The following GRID1 variants were observed in gnomAD, a reference collection of about 807,000 sequenced individuals.
The protein encoded by GRID1 is glutamate ionotropic receptor delta type subunit 1.
GRID1 carries 28 observed loss-of-function variants against 98.0 expected under a neutral mutation model. The ratio of observed to expected loss-of-function variants is 0.29; its 90% CI spans 0.21 to 0.39. The LOEUF (loss-of-function observed/expected upper bound fraction) is 0.39. Among genes scored for constraint, GRID1 ranks in the 10% least tolerant of loss-of-function variants. The probability of loss-of-function intolerance (pLI) is 1.00; values close to 1 mark genes in which losing one functional copy is unlikely to be tolerated. For synonymous variants in GRID1, 553 were observed against 538.5 expected (o/e 1.03, Z -0.37); for missense variants, 1,111 against 1,340.5 (o/e 0.83, Z 2.67).
intron 5 of GRID1, among the ~76,000 whole-genome samples, chr10:85,875,016 C>T (rs1215223312): frequency 1.3e-5 from 2 of 152,074 alleles, no homozygotes; most frequent in Non-Finnish European, 2.9e-5. Context: ...CAGTCGCATG[C>T]CACTACGCCT....
chr10:86,031,185 A>G (rs966910841), intron 4 of GRID1, among the ~76,000 whole-genome samples: 2 of 152,208 alleles, frequency 1.3e-5, no homozygotes, highest in African/African-American at 4.8e-5. Context: ...TCCAAAATAT[A>G]AAGAAAATAT....
At chr10:86,323,960 C>G (rs1170434275) in intron 2 of GRID1, among the ~76,000 whole-genome samples, 1 of 152,208 alleles carries the variant, frequency 6.6e-6, no homozygotes, top group Non-Finnish European at 1.5e-5. Context: ...GGGCGAGTCA[C>G]TTGAGGTCAG....
chr10:85,904,342 C>A (rs1166331554), intron 5 of GRID1, among the ~76,000 whole-genome samples: 1 of 152,192 alleles, frequency 6.6e-6, no homozygotes, highest in East Asian at 1.9e-4. Flanking sequence ...TGAACTAAAT[C>A]TCTGCCTTTA....
chr10:86,221,819 G>T (rs372433206), intron 2 of GRID1, among the ~76,000 whole-genome samples: 1 of 152,178 alleles, frequency 6.6e-6, no homozygotes, highest in Non-Finnish European at 1.5e-5. Context: ...CCTGCTCAGA[G>T]CTTGCTTCTG....
At chr10:85,646,996 C>A (rs1253055660) in intron 13 of GRID1, 3 of 602,894 alleles carry the variant, frequency 5.0e-6, no homozygotes, top group Admixed American at 2.9e-5. Flanking sequence ...CCCCAGCCAG[C>A]ACCACTCTAC....
chr10:86,028,089 C>T (rs1347285005), intron 4 of GRID1, among the ~76,000 whole-genome samples: 5 of 152,200 alleles, frequency 3.3e-5, no homozygotes, highest in Non-Finnish European at 7.3e-5. Context: ...ACACATCTCA[C>T]AAGACGCTGA....
intron 8 of GRID1, among the ~76,000 whole-genome samples, chr10:85,780,910 T>A (rs1002858422): frequency 6.6e-6 from 1 of 152,228 alleles, no homozygotes; most frequent in Non-Finnish European, 1.5e-5. Flanking sequence ...ATTGCACAAG[T>A]GTGGTCTTGT....
intron 4 of GRID1, among the ~76,000 whole-genome samples, chr10:85,968,145 C>G (rs935919374): frequency 6.6e-6 from 1 of 152,114 alleles, no homozygotes; most frequent in Non-Finnish European, 1.5e-5. Flanking sequence ...CTCTGTCCTC[C>G]TATTTGATCA....
intron 8 of GRID1, among the ~76,000 whole-genome samples, chr10:85,795,307 A>C (rs954403560): frequency 2.0e-5 from 3 of 152,178 alleles, no homozygotes; most frequent in Non-Finnish European, 4.4e-5. Flanking sequence ...TTCCTGGGGC[A>C]GCCAGACCAT....
chr10:86,060,519 G>A (rs1843634321), intron 4 of GRID1, among the ~76,000 whole-genome samples: 1 of 152,210 alleles, frequency 6.6e-6, no homozygotes, highest in Non-Finnish European at 1.5e-5. Flanking sequence ...GGCCTTGGAG[G>A]CTGAGCAGCT....
intron 8 of GRID1, among the ~76,000 whole-genome samples, chr10:85,749,184 C>T (rs1021055715): frequency 1.3e-5 from 2 of 152,186 alleles, no homozygotes; most frequent in Non-Finnish European, 2.9e-5. Flanking sequence ...CAGCTTCATT[C>T]CAGTGAGTTT....
chr10:85,741,557 C>G (rs1445644023), intron 8 of GRID1, among the ~76,000 whole-genome samples: 1 of 152,024 alleles, frequency 6.6e-6, no homozygotes, highest in Non-Finnish European at 1.5e-5. Flanking sequence ...TATCAGGGTA[C>G]CATCATTTTT....
rs576976002 is a variant in GRID1 at position 86,324,952 on chromosome 10, G to A, written c.235+38989C>T. Among the ~76,000 whole-genome samples, 3 of 152,104 alleles carry A rather than the reference G, an allele frequency of 2.0e-5. No homozygotes were observed. In the South Asian group the frequency reaches 6.2e-4, roughly 32 times the overall value. On this transcript the variant is annotated intron_variant, in intron 2 of 15. Transcript: ENST00000327946. ...TTTATCAGACAAAATAGAATTCAAG[G>A]TGGAAGCACTCAAAGGAACAGGGAG...
chr10:86,096,690 C>A (rs1019318358), intron 4 of GRID1, among the ~76,000 whole-genome samples: 1 of 152,198 alleles, frequency 6.6e-6, no homozygotes, highest in Non-Finnish European at 1.5e-5. Context: ...ACTGGTCTTA[C>A]CATGTTACCC....
At chr10:85,853,974 C>A (rs1440790523) in intron 8 of GRID1, among the ~76,000 whole-genome samples, 3 of 152,218 alleles carry the variant, frequency 2.0e-5, no homozygotes, top group East Asian at 3.9e-4. Flanking sequence ...AAAGCCAAAC[C>A]TCAGTCTGAG....
chr10:85,721,362 G>A lies in GRID1; in HGVS notation c.1997+1641C>T, dbSNP rs145238698. The stretch of plus-strand genomic sequence containing the variant: ...TCTTGGGTGTTTATCACATGTAAAT[G>A]AAAACTCATGTTCATGCAAAAACCT... On this transcript the variant is annotated intron_variant, in intron 12 of 15. Coordinates refer to ENST00000327946, the MANE Select transcript of GRID1 (RefSeq NM_017551.3). Among the ~76,000 whole-genome samples, 6 of 152,276 alleles carry A rather than the reference G, an allele frequency of 3.9e-5. No homozygotes were observed. In the East Asian group the frequency reaches 5.8e-4, roughly 15 times the overall value.
chr10:86,180,118 C>T (rs1845634110), intron 3 of GRID1, among the ~76,000 whole-genome samples: 1 of 152,114 alleles, frequency 6.6e-6, no homozygotes, highest in African/African-American at 2.4e-5. Flanking sequence ...GAGGCCAGCC[C>T]AGTGGTGGAG....
chr10:85,679,983 G>A (rs1236328065), intron 12 of GRID1, among the ~76,000 whole-genome samples: 4 of 152,132 alleles, frequency 2.6e-5, no homozygotes, highest in African/African-American at 9.7e-5. Context: ...CTGAGGCCGT[G>A]GGCAGGGCAT....
At chr10:85,902,997 C>T (rs553921575) in intron 5 of GRID1, among the ~76,000 whole-genome samples, 2 of 152,248 alleles carry the variant, frequency 1.3e-5, no homozygotes, top group East Asian at 3.9e-4. Context: ...CCCAGAGGTG[C>T]CAGGGTTTGG....
Sources: gnomAD v4.1 joint callset for allele counts (sites outside exome capture counted in the v4.1 genomes callset) on GRCh38, gnomAD v4.1.1 for gene constraint, MANE v1.5 for transcripts, NCBI Gene and HGNC (gene_info 2026-07-23, HGNC 2026-07-21) for gene names.